IFT172: variants seen among roughly 807,000 people sequenced by gnomAD.
IFT172 encodes intraflagellar transport 172, also known as intraflagellar transport protein 172 homolog.
Under a neutral mutation model 248.9 loss-of-function variants are expected in IFT172, and 164 were observed. The ratio of observed to expected loss-of-function variants is 0.66; its 90% CI spans 0.58 to 0.75. IFT172 has a LOEUF of 0.75. Ranked by LOEUF, IFT172 falls within the 30% of genes least tolerant of loss-of-function variation. The pLI, the probability that IFT172 is intolerant of heterozygous loss-of-function variation, is 0.00. For missense variants in IFT172, 1,950 were observed against 2,192.4 expected, an observed-to-expected ratio of 0.89 and a Z score of 2.21; for synonymous variants, 729 against 791.6, an observed-to-expected ratio of 0.92 and a Z score of 1.33.
At chr2:27,447,664 CAG>C (rs747585183) in intron 41 of IFT172, 30 bp from the exon 42 acceptor site, 3 of 1,613,924 alleles carry the variant, frequency 1.9e-6, no homozygotes, top group Non-Finnish European at 2.5e-6. Flanking sequence ...CAGCCTGGCT[CAG>C]GGGTCAGAGG....
At position 27,457,828 on chromosome 2, in the gene IFT172, G is replaced by A. The variant is rs766325035; in HGVS notation, c.3111+13C>T. ...TTGGGGAAGAGATAGGGAGAGCCAG[G>A]AGAAGGGCTCACCTTGCCCAGATGT... On this transcript the variant is annotated intron_variant, in intron 28 of 47. Coordinates refer to ENST00000260570, the MANE Select transcript of IFT172 (RefSeq NM_015662.3). 3.1e-6 allele frequency: 5 copies of A among 1,614,164 alleles called. No homozygotes were observed. The South Asian group carries it at 5.5e-5, about 18-fold the overall frequency.
chr2:27,450,217 T>C (rs1224593637), intron 35 of IFT172, 121 bp from the exon 36 acceptor site: 1 of 717,372 alleles, frequency 1.4e-6, no homozygotes, highest in East Asian at 2.7e-5. Flanking sequence ...ACTCTCCCCT[T>C]CAACCTTGCA....
Position 27,445,350 on chromosome 2 carries a change from C to T in IFT172, c.5014G>A (p.Ala1672Thr). 1 of 1,613,354 alleles carries T rather than the reference C, an allele frequency of 6.2e-7. No homozygotes were observed. The highest frequency in any genetic ancestry group is 8.5e-7 in the Non-Finnish European group (1 of 1,179,824). Residue 1672 changes from alanine (A) to threonine (T), a missense_variant, in exon 46 of 48, where the codon GCC becomes ACC. Physicochemically the swap from Ala to Thr is moderately conservative, Grantham distance 58. Around this residue, in one of 3 missense-constraint regions of IFT172, gnomAD observed 620 missense variants for 699.0 expected, o/e 0.89. Transcript: ENST00000260570. The surrounding 1 kb of genome is among the most constrained non-coding windows in gnomAD (Gnocchi z 4.4). ...CCAGTGCTCGCTGCCACTAGGGAGGCCTCGTAGGCGCCACGCTCATCCCGA... is the reference window on the plus strand; with the variant it reads ...CCAGTGCTCGCTGCCACTAGGGAGGTCTCGTAGGCGCCACGCTCATCCCGA... ...LPRDERGAYE[A>T]SLVAASTGVR...
chr2:27,483,694 G>A (rs1339560425), intron 5 of IFT172, 35 bp from the exon 6 acceptor site: 4 of 1,605,462 alleles, frequency 2.5e-6, no homozygotes, highest in Middle Eastern at 3.3e-4. Context: ...GTATGGTTAG[G>A]CTATTTTATA....
At chr2:27,468,113 T>C (rs78863004) in intron 16 of IFT172, among the ~76,000 whole-genome samples, 1,561 of 150,530 alleles carry the variant, frequency 0.01, 31 homozygotes, top group African/African-American at 0.036. Context: ...TAAACCAAGA[T>C]TGTGCCACTG....
chr2:27,455,273 G>T, intron 30 of IFT172: 1 of 348,222 alleles, frequency 2.9e-6, no homozygotes, highest in Admixed American at 3.7e-5. Flanking sequence ...GTTTCTAATT[G>T]TGATGCTGAA....
At chr2:27,480,203 A>C in intron 8 of IFT172, 54 bp from the exon 9 acceptor site, 1 of 1,552,826 alleles carries the variant, frequency 6.4e-7, no homozygotes, top group Middle Eastern at 1.7e-4. Flanking sequence ...TAAAGAGTGC[A>C]AATGGGCTGA....
In IFT172 at chr2:27,465,841, C is replaced by T. The variant is rs1295024101; in HGVS notation, c.1734G>A (p.Glu578=). 6.2e-7 allele frequency: 1 copy of T among 1,613,978 alleles called. No individual in the cohort carries two copies. The highest frequency in any genetic ancestry group is 2.2e-5 in the East Asian group (1 of 44,896). The stretch of plus-strand genomic sequence containing the variant: ...TAGTCACACCTTCCATCACCATCAC[C>T]TCGGTCTTTCCCCCGCCCCGCTCCA... ...IGLERGGGKT[E]VMVMEGVTTV... The change falls in exon 17 of 48, where the codon GAG becomes GAA. Residue 578 remains glutamate (E), a synonymous_variant. Transcript: ENST00000260570.
intron 16 of IFT172, 35 bp from the exon 17 acceptor site, chr2:27,465,917 C>T (rs1485700495): frequency 6.2e-7 from 1 of 1,613,114 alleles, no homozygotes; most frequent in African/African-American, 1.3e-5. Flanking sequence ...ACCCCAATTT[C>T]AGGTTAGTTT....
Position 27,457,782 on chromosome 2 carries a change from AGATGGGGAGATGGAGC to A in IFT172, c.3111+43_3112-28del, listed in dbSNP as rs749941264. 6 of 1,613,692 alleles carry A rather than the reference AGATGGGGAGATGGAGC, an allele frequency of 3.7e-6. No homozygotes were observed. In the East Asian group the frequency reaches 1.3e-4, roughly 36 times the overall value. On this transcript the variant is annotated intron_variant, in intron 28 of 47. Transcript: ENST00000260570. ...TGCAGGAAGGTGAGTCAGGATGGAG[AGATGGGGAGATGGAGC>A]CTGGTTGGGGAAGAGATAGGGAGAG...
rs948937493 is a variant in IFT172 at position 27,459,744 on chromosome 2, C to T, written c.2607G>A (p.Gln869=). The change falls in exon 24 of 48, where the codon CAG becomes CAA. Residue 869 remains glutamine (Q), a synonymous_variant. Transcript: ENST00000260570. ...TGTAGTGATTAATGGCTGCATCAAG[C>T]TGCTTCTGCTGCACCAGGTGGTCCC... ...AWGDHLVQQK[Q]LDAAINHYIE... is the part of the protein sequence containing the mutation. 1.2e-6 allele frequency: 2 copies of T among 1,612,994 alleles called. No homozygotes were observed. The highest frequency in any genetic ancestry group is 2.7e-5 in the African/African-American group (2 of 75,048).
chr2:27,459,051 C>T, intron 25 of IFT172, 183 bp from the exon 26 acceptor site: 1 of 679,736 alleles, frequency 1.5e-6, no homozygotes, highest in Non-Finnish European at 2.4e-6. Context: ...AAGACCAGCC[C>T]CAAACAGTGG....
rs748686504 is a variant in IFT172, at chr2:27,458,856, GCTC to G, written c.2797_2799del (p.Glu933del). 6.2e-7 allele frequency: 1 copy of G among 1,614,090 alleles called. No individual in the cohort carries two copies. The highest frequency in any genetic ancestry group is 8.5e-7 in the Non-Finnish European group (1 of 1,180,006). On this transcript the variant is annotated inframe_deletion, in exon 26 of 48. Coordinates refer to ENST00000260570, the MANE Select transcript of IFT172 (RefSeq NM_015662.3). ...TTTGTCCGATCTCCCTTAGTATAGAGCTCCTCAGCAATCTGTAGTTGATGGGAG... is the reference window on the plus strand; with the variant it reads ...TTTGTCCGATCTCCCTTAGTATAGAGCTCAGCAATCTGTAGTTGATGGGAG...
chr2:27,483,138 G>A (rs1182607112), intron 7 of IFT172, 151 bp downstream of exon 7: 1 of 587,390 alleles, frequency 1.7e-6, no homozygotes, highest in Non-Finnish European at 3.1e-6. Flanking sequence ...TGAGTAGCTG[G>A]GACTACAGGC....
chr2:27,462,533 G>A (rs1486282666), intron 20 of IFT172, among the ~76,000 whole-genome samples, 168 bp downstream of exon 20: 1 of 152,182 alleles, frequency 6.6e-6, no homozygotes, highest in Non-Finnish European at 1.5e-5. Context: ...CACAAGAGAA[G>A]GAAATTAAGA....
At chr2:27,484,630 T>C (rs1221783710) in intron 3 of IFT172, among the ~76,000 whole-genome samples, 1 of 151,992 alleles carries the variant, frequency 6.6e-6, no homozygotes, top group African/African-American at 2.4e-5. Flanking sequence ...CATAAACAAA[T>C]TGCCAAAAAT....
At chr2:27,468,301 C>T (rs963550643) in intron 16 of IFT172, among the ~76,000 whole-genome samples, 1 of 151,706 alleles carries the variant, frequency 6.6e-6, no homozygotes, top group African/African-American at 2.4e-5. Context: ...GGTACAACCT[C>T]GGCTCATTGC....
rs201607202 is a variant in IFT172 at position 27,457,922 on chromosome 2, G to A, written c.3030C>T (p.His1010=). Residue 1010 remains histidine (H), a synonymous_variant, in exon 28 of 48, where the codon CAC becomes CAT. Coordinates refer to ENST00000260570, the MANE Select transcript of IFT172 (RefSeq NM_015662.3). The part of the protein sequence containing the change: ...PDLAITMYKK[H]KLYDDMIRLV... ...GGCGGATCATGTCATCATACAACTT[G>A]TGCTTTTTGTACATGGTGATGGCAA... is the stretch of plus-strand genomic sequence containing the variant. 4.3e-6 allele frequency: 7 copies of A among 1,614,076 alleles called. No homozygotes were observed. Among genetic ancestry groups the A allele is most frequent in the South Asian group, 3.3e-5 (3 of 91,086 alleles).
intron 8 of IFT172, 63 bp from the exon 9 acceptor site, chr2:27,480,212 G>A: frequency 1.3e-6 from 2 of 1,527,646 alleles, no homozygotes; most frequent in South Asian, 1.3e-5. Flanking sequence ...CAAATGGGCT[G>A]ATAACCAAAG....
Sources: allele counts gnomAD v4.1 joint callset (sites outside exome capture counted in the v4.1 genomes callset), GRCh38; gene constraint gnomAD v4.1.1; regional missense constraint gnomAD v4.1.1; non-coding constraint Gnocchi (gnomAD v3.1); transcripts MANE v1.5; gene names NCBI Gene and HGNC (gene_info 2026-07-23, HGNC 2026-07-21).